CTSH: variants seen among roughly 807,000 people sequenced by gnomAD.
The protein encoded by CTSH is cathepsin H.
In CTSH, 52 loss-of-function variants were observed where a neutral mutation model predicts 56.3. The ratio of observed to expected loss-of-function variants is 0.92; its 90% confidence interval spans 0.74 to 1.16. The LOEUF (loss-of-function observed/expected upper bound fraction) is 1.16. Among genes scored for constraint, CTSH ranks in the 50% most tolerant of loss-of-function variants. The pLI, the probability that CTSH is intolerant of heterozygous loss-of-function variation, is 0.00. For synonymous variants in CTSH, 174 were observed against 155.7 expected (o/e 1.12, Z -0.88); for missense variants, 406 against 424.5 (o/e 0.96, Z 0.38).
Position 78,944,896 on chromosome 15 carries a change from G to C in CTSH, c.86C>G (p.Ser29Cys). Residue 29 changes from serine to cysteine, a missense_variant, in exon 1 of 12, where the codon TCC becomes TGC. Transcript: ENST00000220166. ...GCGGCGCGCCCTCTGCGTACCTAAGGAGTTCACGCACAGTTCGGCGGCACC... is the reference window on the plus strand; with the variant it reads ...GCGGCGCGCCCTCTGCGTACCTAAGCAGTTCACGCACAGTTCGGCGGCACC... ...VCGAAELCVN[S>C]LEKFHFKSWM... 1 of 1,548,128 alleles carries C rather than the reference G, an allele frequency of 6.5e-7. No homozygotes were observed. The highest frequency in any genetic ancestry group is 8.7e-7 in the Non-Finnish European group (1 of 1,145,706).
intron 9 of CTSH, chr15:78,925,766 A>G (rs1323165846): frequency 1.9e-5 from 5 of 267,460 alleles, no homozygotes; most frequent in Non-Finnish European, 3.0e-5. Context: ...CTACACCCAT[A>G]AACCCAGAGT....
intron 3 of CTSH, 195 bp downstream of exon 3, chr15:78,937,123 G>A (rs2055191970): frequency 1.7e-6 from 1 of 582,462 alleles, no homozygotes; most frequent in South Asian, 2.0e-5. Context: ...ACCCAGAGGG[G>A]TACCGGCTTT....
chr15:78,925,255 A>C (rs1230357126), intron 10 of CTSH, 79 bp downstream of exon 10: 3 of 904,906 alleles, frequency 3.3e-6, no homozygotes, highest in Non-Finnish European at 5.5e-6. Flanking sequence ...CCACGAGCCC[A>C]AGTCCCACGA....
chr15:78,929,261 A>G, intron 8 of CTSH, 151 bp downstream of exon 8: 1 of 671,622 alleles, frequency 1.5e-6, no homozygotes, highest in Non-Finnish European at 2.7e-6. Context: ...TGGGTGGAGG[A>G]GGGGAAGGAA....
chr15:78,937,726 T>C (rs527606790), intron 2 of CTSH: 49 of 1,352,372 alleles, frequency 3.6e-5, no homozygotes, highest in Non-Finnish European at 4.6e-5. Flanking sequence ...CTGCTGGTGC[T>C]GGGTCAAGTT....
intron 1 of CTSH, chr15:78,944,613 G>C: frequency 2.7e-6 from 1 of 376,800 alleles, no homozygotes; most frequent in Non-Finnish European, 4.7e-6. Context: ...GGAGCTGCGG[G>C]CTCCTTTGGT....
Position 78,922,298 on chromosome 15 carries a change from G to A in CTSH, c.933-93C>T, listed in dbSNP as rs78621695. The A allele has an allele frequency of 5.5e-4, 528 of 965,014 alleles. 3 individuals are homozygous for A. In the African/African-American group the frequency reaches 7.4e-3, roughly 13 times the overall value. 59.8% of individuals were successfully genotyped at this position (965,014 alleles called of 1,614,324 possible). On this transcript the variant is annotated intron_variant, in intron 11 of 11. Coordinates refer to ENST00000220166, the MANE Select transcript of CTSH (RefSeq NM_004390.5). Reference sequence around the variant, plus strand: ...GCTGCTCACCAAGAGCTGACTTCAGGGGTGAGACCCTCTAAATTTATTCAT... The same window carrying A: ...GCTGCTCACCAAGAGCTGACTTCAGAGGTGAGACCCTCTAAATTTATTCAT...
chr15:78,937,645 T>G, intron 2 of CTSH: 1 of 1,395,220 alleles, frequency 7.2e-7, no homozygotes, highest in Non-Finnish European at 9.4e-7. Flanking sequence ...TGCAGCTGCG[T>G]GAAAGTCAGA....
intron 2 of CTSH, among the ~76,000 whole-genome samples, chr15:78,938,460 GTCTT>G: frequency 6.6e-6 from 1 of 152,106 alleles, no homozygotes; most frequent in Admixed American, 6.6e-5. Flanking sequence ...CCATTCTACT[GTCTT>G]TCTTCATCAG....
intron 4 of CTSH, 107 bp downstream of exon 4, chr15:78,935,573 G>C: frequency 1.1e-6 from 1 of 885,826 alleles, no homozygotes; most frequent in East Asian, 2.5e-5. Context: ...ACCCTCAGCT[G>C]CATCTGGGGA....
chr15:78,934,840 G>A (rs1258844821), intron 5 of CTSH, 138 bp downstream of exon 5: 1 of 722,126 alleles, frequency 1.4e-6, no homozygotes, highest in Non-Finnish European at 2.6e-6. Flanking sequence ...AAGGAAGAGG[G>A]CTGGAGAGAT....
rs1596269672 is a variant in CTSH, at chr15:78,925,232, A to G, written c.806+102T>C. The G allele has an allele frequency of 4.1e-5, 30 of 724,706 alleles. 1 individual carries two copies. The East Asian group carries it at 7.6e-4, about 18-fold the overall frequency. The allele number at this position is 724,706 out of a possible 1,614,324, so 44.9% of individuals were successfully genotyped here. A position where few individuals can be genotyped will look rare whatever the true frequency, so the allele number is the denominator to read the frequency against. On this transcript the variant is annotated intron_variant, in intron 10 of 11. Coordinates refer to ENST00000220166, the MANE Select transcript of CTSH (RefSeq NM_004390.5). The stretch of plus-strand genomic sequence containing the variant: ...GCAGGTGTCATGAAGGGTCTGACAC[A>G]CAGGAGTCTGGGCCACGAGCCCAAG...
intron 3 of CTSH, 35 bp downstream of exon 3, chr15:78,937,283 A>C: frequency 2.6e-6 from 4 of 1,549,936 alleles, no homozygotes; most frequent in Non-Finnish European, 1.8e-6. Flanking sequence ...ACTAACTGAC[A>C]TCCTTCCAGG....
At position 78,940,443 on chromosome 15, in the gene CTSH, G is replaced by A. The variant is rs1341030738; in HGVS notation, c.92-1272C>T. On this transcript the variant is annotated intron_variant, in intron 1 of 11. Coordinates refer to ENST00000220166, the MANE Select transcript of CTSH (RefSeq NM_004390.5). ...TACAAAAAAATAAAAAAAATTAGAC[G>A]GGAGAATCACTTGAGCCTGGGAGGT... Among the ~76,000 whole-genome samples the A allele has an allele frequency of 6.6e-5, 10 of 151,754 alleles. No individual in the cohort carries two copies. The East Asian group carries it at 7.7e-4, about 12-fold the overall frequency.
intron 10 of CTSH, 99 bp downstream of exon 10, chr15:78,925,235 G>C (rs1208174560): frequency 2.7e-6 from 2 of 735,820 alleles, no homozygotes; most frequent in East Asian, 2.7e-5. Context: ...CTGACACACA[G>C]GAGTCTGGGC....
intron 3 of CTSH, 130 bp downstream of exon 3, chr15:78,937,188 G>T: frequency 2.9e-6 from 2 of 699,828 alleles, no homozygotes. Context: ...GCCACAATCT[G>T]AGGTCAGCCA....
intron 1 of CTSH, among the ~76,000 whole-genome samples, chr15:78,941,928 AG>A (rs2055303342): frequency 6.6e-6 from 1 of 152,244 alleles, no homozygotes; most frequent in Admixed American, 6.5e-5. Context: ...AAATTGTATC[AG>A]AAATGCATCT....
intron 2 of CTSH, chr15:78,937,686 C>T (rs996935523): frequency 2.2e-6 from 3 of 1,381,320 alleles, no homozygotes; most frequent in South Asian, 1.2e-5. Context: ...GTGAACAAAC[C>T]TGCCACATGT....
intron 11 of CTSH, 149 bp from the exon 12 acceptor site, chr15:78,922,354 C>T (rs996171146): frequency 8.2e-5 from 54 of 656,540 alleles, no homozygotes; most frequent in East Asian, 2.2e-4. Flanking sequence ...ATTTGATCAC[C>T]GGCAAATCAC....
Sources: gnomAD v4.1 joint callset for allele counts (sites outside exome capture counted in the v4.1 genomes callset) on GRCh38, gnomAD v4.1.1 for gene constraint, MANE v1.5 for transcripts, NCBI Gene and HGNC (gene_info 2026-07-23, HGNC 2026-07-21) for gene names.